ATP8A1: variants seen among roughly 807,000 people sequenced by gnomAD.
The protein encoded by ATP8A1 is phospholipid-transporting ATPase IA.
ATP8A1 carries 90 observed loss-of-function variants against 177.7 expected under a neutral mutation model. The observed-to-expected ratio is 0.51, with a 90% confidence interval of 0.43 to 0.60. ATP8A1 has a LOEUF of 0.60. Among genes scored for constraint, ATP8A1 ranks in the 20% least tolerant of loss-of-function variants. The probability of loss-of-function intolerance (pLI) is 0.00; values close to 1 mark genes in which losing one functional copy is unlikely to be tolerated. For synonymous variants in ATP8A1, 493 were observed against 485.9 expected (o/e 1.01, Z -0.19); for missense variants, 1,072 against 1,392.8 (o/e 0.77, Z 3.67).
At chr4:42,450,204 C>T (rs6447160) in intron 30 of ATP8A1, among the ~76,000 whole-genome samples, 118,678 of 152,136 alleles carry the variant, frequency 0.78, 50,343 homozygotes, top group East Asian at 0.97. Context: ...TTGATTCCAG[C>T]TGCAACATGG....
intron 31 of ATP8A1, 132 bp from the exon 32 acceptor site, chr4:42,444,766 TC>T (rs1717027257): frequency 2.2e-6 from 2 of 892,944 alleles, no homozygotes; most frequent in South Asian, 3.3e-5. Flanking sequence ...GCTTTGTATA[TC>T]CAACCAGCAA....
chr4:42,620,875 T>C (rs935947865), intron 4 of ATP8A1, among the ~76,000 whole-genome samples: 2 of 152,184 alleles, frequency 1.3e-5, no homozygotes, highest in Non-Finnish European at 2.9e-5. Flanking sequence ...ACAAGTTACA[T>C]GACCTCTCTA....
At chr4:42,536,374 C>T (rs1727829666) in intron 20 of ATP8A1, among the ~76,000 whole-genome samples, 1 of 152,098 alleles carries the variant, frequency 6.6e-6, no homozygotes, top group African/African-American at 2.4e-5. Flanking sequence ...TGGACAAATT[C>T]CTGGAAATAT....
intron 33 of ATP8A1, among the ~76,000 whole-genome samples, chr4:42,441,894 T>G (rs1471265600): frequency 1.3e-5 from 2 of 152,216 alleles, no homozygotes; most frequent in Non-Finnish European, 2.9e-5. Context: ...GAACCTCTGT[T>G]AGCATTCCCA....
At chr4:42,615,552 C>A (rs1736817145) in intron 5 of ATP8A1, among the ~76,000 whole-genome samples, 1 of 152,026 alleles carries the variant, frequency 6.6e-6, no homozygotes, top group African/African-American at 2.4e-5. Context: ...AGAGCTGTGC[C>A]AAAATGCCAT....
chr4:42,628,799 G>A (rs916288267), intron 1 of ATP8A1, among the ~76,000 whole-genome samples: 4 of 152,114 alleles, frequency 2.6e-5, no homozygotes, highest in Non-Finnish European at 4.4e-5. Context: ...GCTGTTCCCC[G>A]CCTCTGGATT....
chr4:42,611,091 C>A (rs1736319995), intron 5 of ATP8A1, among the ~76,000 whole-genome samples: 1 of 152,232 alleles, frequency 6.6e-6, no homozygotes. Context: ...CAATCCACAT[C>A]AACTCAACAC....
intron 20 of ATP8A1, among the ~76,000 whole-genome samples, chr4:42,533,443 C>A (rs1050100108): frequency 1.3e-5 from 2 of 152,074 alleles, no homozygotes; most frequent in African/African-American, 4.8e-5. Flanking sequence ...CCCCTGGGAA[C>A]ATAACTCCAT....
chr4:42,555,976 T>C lies in ATP8A1; in HGVS notation c.1405A>G (p.Asn469Asp), dbSNP rs765389477. Residue 469 changes from asparagine (N) to aspartate (D), a missense_variant, in exon 16 of 37, where the codon AAT becomes GAT. Physicochemically the swap from Asn to Asp is conservative, Grantham distance 23 (BLOSUM62 1). Around this residue, in one of 5 missense-constraint regions of ATP8A1, gnomAD observed 388 missense variants for 471.7 expected, o/e 0.82. Transcript: ENST00000381668. The stretch of plus-strand genomic sequence containing the variant: ...GGTTTTATGTAACTTACATGATTAT[T>C]TTGGAGATTTTCCAGCAATGATGAA... ...SDSSLLENLQ[N>D]NHPTAPIICE... is the part of the protein sequence containing the mutation. 60 of 1,606,804 alleles carry C rather than the reference T, an allele frequency of 3.7e-5. No individual in the cohort carries two copies. Among genetic ancestry groups the C allele is most frequent in the Non-Finnish European group, 4.9e-5 (58 of 1,175,070 alleles).
At chr4:42,582,546 C>A (rs995027166) in intron 9 of ATP8A1, among the ~76,000 whole-genome samples, 1 of 133,428 alleles carries the variant, frequency 7.5e-6, no homozygotes, top group Non-Finnish European at 1.6e-5. Context: ...TAGCTTTGTA[C>A]ATAATAAAGG....
intron 20 of ATP8A1, among the ~76,000 whole-genome samples, chr4:42,525,209 CAAGT>C (rs990205743): frequency 3.3e-5 from 5 of 152,192 alleles, no homozygotes; most frequent in Non-Finnish European, 5.9e-5. Flanking sequence ...GTCCAGAACT[CAAGT>C]AAGTTTGGCA....
At position 42,464,949 on chromosome 4, in the gene ATP8A1, T is replaced by TACCAAC; in HGVS notation, c.2446_2451dup (p.Val816_Gly817dup). The TACCAAC allele has an allele frequency of 6.2e-7, 1 of 1,614,218 alleles. No individual in the cohort carries two copies. The highest frequency in any genetic ancestry group is 8.5e-7 in the Non-Finnish European group (1 of 1,180,032). ...GCCTGCAGGCCTTCATTGCCACTGA[T>TACCAAC]ACCAACACCAACGTGCGCTGTCTGT... is the stretch of plus-strand genomic sequence containing the variant. On this transcript the variant is annotated inframe_insertion, in exon 26 of 37. Coordinates refer to ENST00000381668, the MANE Select transcript of ATP8A1 (RefSeq NM_006095.2).
intron 15 of ATP8A1, among the ~76,000 whole-genome samples, chr4:42,562,604 G>C (rs1730949545): frequency 6.6e-6 from 1 of 152,230 alleles, no homozygotes; most frequent in South Asian, 2.1e-4. Flanking sequence ...TTTGACCAAA[G>C]TAATGAGGCC....
intron 33 of ATP8A1, among the ~76,000 whole-genome samples, chr4:42,435,432 AAAAAAAAAAAAAAAAAAC>A (rs1715821219): frequency 2.8e-5 from 2 of 71,496 alleles, no homozygotes; most frequent in African/African-American, 1.4e-4. Context: ...ATCTCAAAAA[AAAAAAAAAAAAAAAAAAC>A]AAAAAAAAAA....
intron 24 of ATP8A1, among the ~76,000 whole-genome samples, chr4:42,501,973 A>G (rs1226949423): frequency 2.2e-4 from 33 of 152,224 alleles, no homozygotes; most frequent in Admixed American, 2.2e-3. Flanking sequence ...CGAACTGCTA[A>G]GGAGACTTTT....
At chr4:42,540,811 T>C (rs2153205580) in intron 20 of ATP8A1, among the ~76,000 whole-genome samples, 1 of 151,920 alleles carries the variant, frequency 6.6e-6, no homozygotes, top group South Asian at 2.1e-4. Flanking sequence ...GGAGGGAGGA[T>C]AAAGAGGACT....
chr4:42,602,052 C>T lies in ATP8A1; in HGVS notation c.410-1534G>A, dbSNP rs145166998. The stretch of plus-strand genomic sequence containing the variant: ...TTTTGGTATATGGGACATTCAGATG[C>T]TTATAAAACAAATTAATGAATACCT... On this transcript the variant is annotated intron_variant, in intron 5 of 36. Transcript: ENST00000381668. Among the ~76,000 whole-genome samples, 807 of 151,928 alleles carry T rather than the reference C, an allele frequency of 5.3e-3. 9 individuals carry two copies. Among genetic ancestry groups the T allele is most frequent in the African/African-American group, 0.018 (763 of 41,436 alleles).
intron 27 of ATP8A1, among the ~76,000 whole-genome samples, chr4:42,461,143 T>A (rs533063350): frequency 6.6e-6 from 1 of 152,276 alleles, no homozygotes; most frequent in South Asian, 2.1e-4. Flanking sequence ...GGATGAAGGA[T>A]GTAAAATGTC....
At chr4:42,607,970 C>T (rs1317430995) in intron 5 of ATP8A1, among the ~76,000 whole-genome samples, 4 of 152,272 alleles carry the variant, frequency 2.6e-5, no homozygotes, top group African/African-American at 7.2e-5. Context: ...ACTCCTCTAC[C>T]AGTTCCAACC....
Sources: gnomAD v4.1 joint callset for allele counts (sites outside exome capture counted in the v4.1 genomes callset) on GRCh38, gnomAD v4.1.1 for gene constraint, gnomAD v4.1.1 regional missense constraint, MANE v1.5 for transcripts, NCBI Gene and HGNC (gene_info 2026-07-23, HGNC 2026-07-21) for gene names.